The following ENPP6 variants were observed in gnomAD, a reference collection of about 807,000 sequenced individuals.
ENPP6 encodes glycerophosphocholine cholinephosphodiesterase ENPP6.
In ENPP6, 32 loss-of-function variants were observed where a neutral mutation model predicts 42.0. The observed-to-expected ratio is 0.76, with a 90% CI of 0.58 to 1.02. The LOEUF (loss-of-function observed/expected upper bound fraction) is 1.02, where lower values mean the gene tolerates loss of function less well. ENPP6 is among the 50% of genes least tolerant of loss of function. ENPP6 has a pLI of 0.00. For synonymous variants in ENPP6, 213 were observed against 216.0 expected (o/e 0.99, Z 0.12); for missense variants, 552 against 566.8 (o/e 0.97, Z 0.27).
At chr4:184,214,236 A>C (rs1733162079) in intron 1 of ENPP6, among the ~76,000 whole-genome samples, 1 of 151,860 alleles carries the variant, frequency 6.6e-6, no homozygotes, top group Non-Finnish European at 1.5e-5. Flanking sequence ...AACTTAAAGT[A>C]TAATAATAAA....
intron 1 of ENPP6, among the ~76,000 whole-genome samples, chr4:184,167,761 T>C (rs1376670986): frequency 6.6e-6 from 1 of 152,170 alleles, no homozygotes; most frequent in African/African-American, 2.4e-5. Context: ...CTCTCAAGTC[T>C]CAGGAGTTAA....
chr4:184,207,705 C>T (rs13119563), intron 1 of ENPP6, among the ~76,000 whole-genome samples: 24,420 of 152,228 alleles, frequency 0.16, 2,558 homozygotes, highest in Non-Finnish European at 0.24. Flanking sequence ...CTGGAAGGAA[C>T]GCCTCCTCTC....
chr4:184,107,241 A>G (rs978754116), intron 6 of ENPP6, among the ~76,000 whole-genome samples: 1 of 152,220 alleles, frequency 6.6e-6, no homozygotes, highest in Non-Finnish European at 1.5e-5. Flanking sequence ...CAGGACTTCC[A>G]TGAGGAAGGC....
chr4:184,186,008 A>G (rs1292417731), intron 1 of ENPP6, among the ~76,000 whole-genome samples: 2 of 152,244 alleles, frequency 1.3e-5, no homozygotes, highest in Non-Finnish European at 2.9e-5. Context: ...GTGAAGTGTC[A>G]GGTGTTAGCA....
intron 1 of ENPP6, among the ~76,000 whole-genome samples, chr4:184,195,366 T>G (rs1460461281): frequency 6.6e-6 from 1 of 152,166 alleles, no homozygotes; most frequent in Non-Finnish European, 1.5e-5. Flanking sequence ...CACTCATAAG[T>G]GACAACATGT....
At chr4:184,095,282 A>T (rs1044174805) in intron 7 of ENPP6, among the ~76,000 whole-genome samples, 1 of 152,162 alleles carries the variant, frequency 6.6e-6, no homozygotes, top group Non-Finnish European at 1.5e-5. Context: ...CTCTTCACCA[A>T]ATTTTAACTT....
At position 184,174,808 on chromosome 4, in the gene ENPP6, G is replaced by A. The variant is rs533079827; in HGVS notation, c.242-21075C>T. On this transcript the variant is annotated intron_variant, in intron 1 of 7. Coordinates refer to ENST00000296741, the MANE Select transcript of ENPP6 (RefSeq NM_153343.4). ...AAATATACAAGCCTGAAAGTCAGTGGAAGCCCGCACCAAACTTCAATGACC... is the reference window on the plus strand; with the variant it reads ...AAATATACAAGCCTGAAAGTCAGTGAAAGCCCGCACCAAACTTCAATGACC... 3.9e-5 allele frequency among the ~76,000 whole-genome samples: 6 copies of A among 152,318 alleles called. No individual in the cohort carries two copies. The South Asian group carries it at 6.2e-4, about 16-fold the overall frequency.
chr4:184,096,872 T>C (rs1579604968), intron 7 of ENPP6, among the ~76,000 whole-genome samples: 1 of 151,968 alleles, frequency 6.6e-6, no homozygotes, highest in Non-Finnish European at 1.5e-5. Context: ...AGCGATCGCA[T>C]CAACAGTGAG....
chr4:184,105,721 T>C (rs942600523), intron 6 of ENPP6, among the ~76,000 whole-genome samples: 4 of 152,182 alleles, frequency 2.6e-5, no homozygotes, highest in African/African-American at 9.7e-5. Context: ...ATAAAATAAC[T>C]TGATGTGTAT....
chr4:184,194,389 C>T (rs545702619), intron 1 of ENPP6, among the ~76,000 whole-genome samples: 6 of 152,218 alleles, frequency 3.9e-5, no homozygotes, highest in African/African-American at 7.2e-5. Context: ...TTGAGCACAT[C>T]GTGACAATGT....
intron 6 of ENPP6, among the ~76,000 whole-genome samples, chr4:184,105,662 T>C (rs768778624): frequency 2.0e-5 from 3 of 152,240 alleles, no homozygotes; most frequent in Admixed American, 1.3e-4. Context: ...ATGGTTGTTA[T>C]TGACCAAAAT....
intron 1 of ENPP6, among the ~76,000 whole-genome samples, chr4:184,196,262 G>A (rs1353873463): frequency 6.6e-6 from 1 of 152,176 alleles, no homozygotes; most frequent in Non-Finnish European, 1.5e-5. Context: ...TCTCAGAAAT[G>A]AGCTGTGCTT....
intron 6 of ENPP6, among the ~76,000 whole-genome samples, chr4:184,101,775 C>T (rs771630263): frequency 3.9e-5 from 6 of 152,212 alleles, no homozygotes; most frequent in Admixed American, 1.3e-4. Flanking sequence ...CAGCACTTCC[C>T]AGTGCCTTCC....
chr4:184,124,017 G>T, intron 3 of ENPP6, 144 bp downstream of exon 3: 1 of 546,846 alleles, frequency 1.8e-6, no homozygotes, highest in Non-Finnish European at 3.2e-6. Context: ...CTCCCTACTA[G>T]CAGTTAACAA....
At chr4:184,147,765 C>T (rs891779808) in intron 2 of ENPP6, among the ~76,000 whole-genome samples, 4 of 150,036 alleles carry the variant, frequency 2.7e-5, no homozygotes, top group African/African-American at 9.8e-5. Flanking sequence ...TGCACCAATG[C>T]ACTCTAGCCT....
At chr4:184,127,119 A>G (rs1483615053) in intron 2 of ENPP6, among the ~76,000 whole-genome samples, 2 of 152,252 alleles carry the variant, frequency 1.3e-5, no homozygotes, top group African/African-American at 2.4e-5. Context: ...ACAATATATT[A>G]TGGACTTTAC....
chr4:184,113,918 T>TCTTTCTTTCTTC (rs1736262209), intron 5 of ENPP6, among the ~76,000 whole-genome samples: 1 of 135,826 alleles, frequency 7.4e-6, no homozygotes, highest in South Asian at 2.4e-4. Context: ...TTTCTTTCTT[T>TCTTTCTTTCTTC]CTTTCTTTCT....
intron 2 of ENPP6, among the ~76,000 whole-genome samples, chr4:184,129,868 G>C (rs1432353948): frequency 6.6e-6 from 1 of 152,194 alleles, no homozygotes; most frequent in African/African-American, 2.4e-5. Flanking sequence ...GTCCAAAAAA[G>C]AGTAGAAGTA....
At chr4:184,115,666 C>T (rs2111345185) in intron 5 of ENPP6, among the ~76,000 whole-genome samples, 1 of 152,296 alleles carries the variant, frequency 6.6e-6, no homozygotes. Context: ...CCACCATGCT[C>T]ACGTACAGGG....
Sources: allele counts gnomAD v4.1 joint callset (sites outside exome capture counted in the v4.1 genomes callset), GRCh38; gene constraint gnomAD v4.1.1; transcripts MANE v1.5; gene names NCBI Gene and HGNC (gene_info 2026-07-23, HGNC 2026-07-21).